CDH23: variants seen among roughly 807,000 people sequenced by gnomAD.
CDH23 encodes the protein cadherin related 23, also known as cadherin-23.
CDH23 carries 189 observed loss-of-function variants against 317.1 expected under a neutral mutation model. The observed-to-expected ratio is 0.60, with a 90% CI of 0.53 to 0.67. The LOEUF is 0.67. CDH23 is among the 30% of genes least tolerant of loss of function. The pLI, the probability that CDH23 is intolerant of heterozygous loss-of-function variation, is 0.00. For synonymous variants in CDH23, 1,839 were observed against 1,876.8 expected, an observed-to-expected ratio of 0.98 and a Z score of 0.52; for missense variants, 4,401 against 4,592.4, an observed-to-expected ratio of 0.96 and a Z score of 1.20.
At chr10:71,588,992 C>T (rs1030898106) in intron 9 of CDH23, among the ~76,000 whole-genome samples, 2 of 152,226 alleles carry the variant, frequency 1.3e-5, no homozygotes, top group Non-Finnish European at 2.9e-5. Context: ...GCACTGCGTG[C>T]CCCTCCCCAC....
intron 9 of CDH23, among the ~76,000 whole-genome samples, chr10:71,598,965 G>A (rs1480090376): frequency 6.6e-6 from 1 of 152,140 alleles, no homozygotes; most frequent in Non-Finnish European, 1.5e-5. Context: ...GGAGGATGAG[G>A]GCATTCTGGA....
At chr10:71,434,316 C>T (rs1849525369) in intron 1 of CDH23, among the ~76,000 whole-genome samples, 3 of 152,346 alleles carry the variant, frequency 2.0e-5, no homozygotes, top group Non-Finnish European at 4.4e-5. Flanking sequence ...TGGGGTTGGT[C>T]TCTCCCAGGC....
At chr10:71,605,889 A>T (rs938288804) in intron 9 of CDH23, among the ~76,000 whole-genome samples, 37 of 152,182 alleles carry the variant, frequency 2.4e-4, no homozygotes, top group Non-Finnish European at 5.0e-4. Context: ...TCTCCATGGC[A>T]GTGTAAAGGT....
At chr10:71,586,048 G>A (rs539000537) in intron 9 of CDH23, among the ~76,000 whole-genome samples, 2 of 152,194 alleles carry the variant, frequency 1.3e-5, no homozygotes, top group Admixed American at 6.5e-5. Flanking sequence ...ACACCCTCAA[G>A]GCCTCTCCCT....
intron 18 of CDH23, among the ~76,000 whole-genome samples, chr10:71,683,316 G>A (rs1864732594): frequency 6.6e-6 from 1 of 152,346 alleles, no homozygotes; most frequent in East Asian, 1.9e-4. Context: ...TCGGCTCCGG[G>A]AGGATTAGAT....
chr10:71,704,395 A>T (rs552606993), intron 24 of CDH23, among the ~76,000 whole-genome samples: 244 of 152,276 alleles, frequency 1.6e-3, no homozygotes, highest in African/African-American at 5.3e-3. Flanking sequence ...ACAGTTTTTT[A>T]AAAAAATAAT....
chr10:71,811,261 C>CG, intron 62 of CDH23, 54 bp from the exon 63 acceptor site: 1 of 1,612,618 alleles, frequency 6.2e-7, no homozygotes, highest in Non-Finnish European at 8.5e-7. Context: ...AGCAGACTGT[C>CG]GGTGGTGGGG....
chr10:71,728,679 A>G (rs182477628), intron 30 of CDH23, among the ~76,000 whole-genome samples: 1 of 152,186 alleles, frequency 6.6e-6, no homozygotes, highest in East Asian at 1.9e-4. Context: ...TTCCCTCTCT[A>G]CTTTGCTGGC....
chr10:71,773,242 G>T, intron 38 of CDH23: 1 of 1,198,358 alleles, frequency 8.3e-7, no homozygotes, highest in Non-Finnish European at 1.2e-6. Context: ...GGTGGAGTGG[G>T]GTGCACGGTC....
chr10:71,682,704 C>T (rs918102451), intron 18 of CDH23, 132 bp downstream of exon 18: 18 of 1,167,100 alleles, frequency 1.5e-5, no homozygotes, highest in African/African-American at 1.2e-4. Flanking sequence ...TTTACCCAGC[C>T]ATCTGTCCCA....
In CDH23 at chr10:71,751,028, C is replaced by A. The variant is rs533883221; in HGVS notation, c.4845+9107C>A. 3.8e-6 allele frequency: 2 copies of A among 522,898 alleles called. No individual in the cohort carries two copies. Among genetic ancestry groups the A allele is most frequent in the South Asian group, 6.1e-5 (2 of 32,532 alleles). The allele number at this position is 522,898 out of a possible 1,614,324, so 32.4% of individuals were successfully genotyped here. The stretch of plus-strand genomic sequence containing the variant: ...GAATTTCAGGTCTCTAGGGGAGAAT[C>A]TCAGCACCCCAAAATCCTTGGAACA... On this transcript the variant is annotated intron_variant, in intron 38 of 69. Coordinates refer to ENST00000224721, the MANE Select transcript of CDH23 (RefSeq NM_022124.6). This position sits in a 1 kb window ranked among gnomAD's most constrained non-coding sequence, Gnocchi z 4.9.
At chr10:71,482,623 G>C (rs1473408332) in intron 3 of CDH23, among the ~76,000 whole-genome samples, 1 of 152,204 alleles carries the variant, frequency 6.6e-6, no homozygotes. Flanking sequence ...TGGACTGCTG[G>C]GCAGGTGGAG....
chr10:71,638,516 G>A (rs1022048884), intron 11 of CDH23, among the ~76,000 whole-genome samples: 1 of 152,212 alleles, frequency 6.6e-6, no homozygotes, highest in African/African-American at 2.4e-5. Flanking sequence ...CCAGTGCTGA[G>A]AGCCCTCAGG....
At chr10:71,446,465 G>C (rs1358513386) in intron 3 of CDH23, 70 bp downstream of exon 3, 8 of 1,428,170 alleles carry the variant, frequency 5.6e-6, no homozygotes, top group African/African-American at 1.4e-5. Context: ...AAGTGAAGGG[G>C]ATCTTACAGG....
chr10:71,420,487 G>T (rs796197413), intron 1 of CDH23, among the ~76,000 whole-genome samples: 1 of 142,630 alleles, frequency 7.0e-6, no homozygotes, highest in Non-Finnish European at 1.5e-5. Context: ...TGATGGTGAT[G>T]GTGATGATGG....
At chr10:71,546,473 T>G (rs897720782) in intron 6 of CDH23, among the ~76,000 whole-genome samples, 2 of 152,192 alleles carry the variant, frequency 1.3e-5, no homozygotes, top group African/African-American at 4.8e-5. Flanking sequence ...CAGTGCAGAA[T>G]GTGGGCTCTG....
chr10:71,701,901 T>C, intron 22 of CDH23, 121 bp from the exon 23 acceptor site: 1 of 1,067,556 alleles, frequency 9.4e-7, no homozygotes, highest in Non-Finnish European at 1.4e-6. Flanking sequence ...GCCCACTTCC[T>C]GGGCCAGAGC....
chr10:71,686,598 T>A (rs1864908771), intron 18 of CDH23, among the ~76,000 whole-genome samples: 1 of 152,070 alleles, frequency 6.6e-6, no homozygotes, highest in African/African-American at 2.4e-5. Flanking sequence ...CCTTTCCCCC[T>A]AAGAGCTCTC....
chr10:71,761,875 G>A lies in CDH23; in HGVS notation c.4846-15805G>A, dbSNP rs377730823. The A allele has an allele frequency of 1.5e-4, 238 of 1,613,994 alleles. 2 individuals carry two copies. Among genetic ancestry groups the A allele is most frequent in the South Asian group, 1.2e-4 (11 of 91,096 alleles). Reference sequence around the variant, plus strand: ...GGCGCTCTGAGCAGGTCTGCACCTCGCCCCTCGAGCTGCGGTACCACGTCT... The same window carrying A: ...GGCGCTCTGAGCAGGTCTGCACCTCACCCCTCGAGCTGCGGTACCACGTCT... On this transcript the variant is annotated intron_variant, in intron 38 of 69. Transcript: ENST00000224721.
Sources: gnomAD v4.1 joint callset for allele counts (sites outside exome capture counted in the v4.1 genomes callset) on GRCh38, gnomAD v4.1.1 for gene constraint, Gnocchi (gnomAD v3.1) non-coding constraint, MANE v1.5 for transcripts, NCBI Gene and HGNC (gene_info 2026-07-23, HGNC 2026-07-21) for gene names.